Variants in CNTNAP2 observed in about 807,000 individuals in gnomAD.
CNTNAP2 encodes the protein contactin-associated protein-like 2.
In CNTNAP2, 98 loss-of-function variants were observed where a neutral mutation model predicts 155.2. That is an observed-to-expected ratio of 0.63 (90% CI 0.54 to 0.75). CNTNAP2 has a LOEUF of 0.75. Among genes scored for constraint, CNTNAP2 ranks in the 30% least tolerant of loss-of-function variants. CNTNAP2 has a pLI of 0.00. For synonymous variants in CNTNAP2, 651 were observed against 631.2 expected (o/e 1.03, Z -0.47); for missense variants, 1,727 against 1,688.1 (o/e 1.02, Z -0.40).
intron 1 of CNTNAP2, among the ~76,000 whole-genome samples, chr7:146,469,361 G>A (rs956265134): frequency 1.3e-5 from 2 of 150,858 alleles, no homozygotes; most frequent in Non-Finnish European, 2.9e-5. Flanking sequence ...AAGATACCCT[G>A]AGAAAATGTT....
intron 1 of CNTNAP2, among the ~76,000 whole-genome samples, chr7:146,197,094 A>G (rs1798788119): frequency 6.6e-6 from 1 of 152,168 alleles, no homozygotes; most frequent in Non-Finnish European, 1.5e-5. Context: ...AAGATCTGCA[A>G]TATTATACAG....
chr7:147,833,127 G>GTT (rs1056090232), intron 13 of CNTNAP2, among the ~76,000 whole-genome samples: 4,719 of 139,396 alleles, frequency 0.034, 124 homozygotes, highest in Non-Finnish European at 0.054. Context: ...TTTTTCTTAG[G>GTT]TTTTTTTTTT....
In CNTNAP2 at chr7:146,913,936, C is replaced by G. The variant is rs543085190; in HGVS notation, c.402+74032C>G. On this transcript the variant is annotated intron_variant, in intron 3 of 23. Coordinates refer to ENST00000361727, the MANE Select transcript of CNTNAP2 (RefSeq NM_014141.6). ...CCCTTTCCCCTGAGTCCCCAAAGTC[C>G]CTTGTAACATTCTTATGCCTTTGCA... 1.4e-4 allele frequency among the ~76,000 whole-genome samples: 21 copies of G among 152,020 alleles called. No homozygotes were observed. The East Asian group carries it at 4.1e-3, about 30-fold the overall frequency.
chr7:146,210,832 A>G (rs6464738), intron 1 of CNTNAP2, among the ~76,000 whole-genome samples: 48,307 of 150,298 alleles, frequency 0.32, 9,411 homozygotes, highest in African/African-American at 0.55. Context: ...AGACAAGACT[A>G]CTTCATTTTT....
chr7:147,364,461 G>A (rs1796193102), intron 9 of CNTNAP2, among the ~76,000 whole-genome samples: 2 of 152,156 alleles, frequency 1.3e-5, no homozygotes, highest in Admixed American at 6.5e-5. Flanking sequence ...GAAGAAACAT[G>A]CTGTCATCCA....
rs56994803 is a variant in CNTNAP2 at position 148,373,145 on chromosome 7, C to G, written c.3476-10504C>G. 2.8e-3 allele frequency among the ~76,000 whole-genome samples: 421 copies of G among 152,160 alleles called. 3 individuals carry two copies. The highest frequency in any genetic ancestry group is 0.01 in the Middle Eastern group (3 of 294). ...TGCCTGAGGCTGTTGTACAATTACC[C>G]TTTTTAAAAATAAAAAATAAAAAAA... is the stretch of plus-strand genomic sequence containing the variant. On this transcript the variant is annotated intron_variant, in intron 21 of 23. Coordinates refer to ENST00000361727, the MANE Select transcript of CNTNAP2 (RefSeq NM_014141.6).
At chr7:147,584,426 C>A (rs1448178045) in intron 12 of CNTNAP2, among the ~76,000 whole-genome samples, 1 of 152,104 alleles carries the variant, frequency 6.6e-6, no homozygotes, top group Non-Finnish European at 1.5e-5. Flanking sequence ...TGTAAAGGAT[C>A]ATTTTAGAAA....
At chr7:147,949,440 G>GTATGTATATATATATATA (rs1554453477) in intron 14 of CNTNAP2, among the ~76,000 whole-genome samples, 1 of 127,366 alleles carries the variant, frequency 7.9e-6, no homozygotes, top group Non-Finnish European at 1.7e-5. Context: ...TCAACTGTGT[G>GTATGTATATATATATATA]TATATATATA....
chr7:147,569,059 G>T lies in CNTNAP2; in HGVS notation c.1897+6802G>T, dbSNP rs549235234. Among the ~76,000 whole-genome samples, 5 of 152,198 alleles carry T rather than the reference G, an allele frequency of 3.3e-5. No individual in the cohort carries two copies. The South Asian group carries it at 8.3e-4, about 25-fold the overall frequency. ...TTGCATTCTTCCTAGCCCTGGTTTTGTAGTTTTATCAAAAAGCCATTAAGC... is the reference window on the plus strand; with the variant it reads ...TTGCATTCTTCCTAGCCCTGGTTTTTTAGTTTTATCAAAAAGCCATTAAGC... On this transcript the variant is annotated intron_variant, in intron 12 of 23. Transcript: ENST00000361727.
At chr7:147,620,367 A>C (rs912020785) in intron 12 of CNTNAP2, among the ~76,000 whole-genome samples, 12 of 152,184 alleles carry the variant, frequency 7.9e-5, no homozygotes, top group African/African-American at 2.9e-4. Flanking sequence ...AGTGAAACAG[A>C]GATATGTGAC....
chr7:148,071,940 G>T lies in CNTNAP2; in HGVS notation c.2384-46178G>T, dbSNP rs1004345696. ...CAAATAGCTATAAAAATTTCCAAGA[G>T]ACAGGACCACTGACCCTGCGCTTCG... On this transcript the variant is annotated intron_variant, in intron 15 of 23. Coordinates refer to ENST00000361727, the MANE Select transcript of CNTNAP2 (RefSeq NM_014141.6). Among the ~76,000 whole-genome samples, 7 of 152,266 alleles carry T rather than the reference G, an allele frequency of 4.6e-5. No individual in the cohort carries two copies. The East Asian group carries it at 1.2e-3, about 25-fold the overall frequency.
chr7:147,592,764 C>T (rs1450975545), intron 12 of CNTNAP2, among the ~76,000 whole-genome samples: 2 of 152,190 alleles, frequency 1.3e-5, no homozygotes, highest in African/African-American at 4.8e-5. Context: ...TTCTCTCCAA[C>T]CCACTGTGAA....
At chr7:147,629,173 G>A (rs10256668) in intron 12 of CNTNAP2, among the ~76,000 whole-genome samples, 13,642 of 151,894 alleles carry the variant, frequency 0.09, 1,688 homozygotes, top group African/African-American at 0.26. Context: ...AGGCTGAGGT[G>A]GGTGGATCAC....
At chr7:147,629,520 G>A (rs1221842473) in intron 12 of CNTNAP2, among the ~76,000 whole-genome samples, 3 of 151,494 alleles carry the variant, frequency 2.0e-5, no homozygotes, top group Non-Finnish European at 4.4e-5. Context: ...ACAACTGCAG[G>A]ATATACATTA....
intron 2 of CNTNAP2, among the ~76,000 whole-genome samples, chr7:146,799,467 C>A (rs1802835330): frequency 6.6e-6 from 1 of 152,168 alleles, no homozygotes; most frequent in African/African-American, 2.4e-5. Flanking sequence ...TTTTCATCTG[C>A]AGTTTCTTTA....
At chr7:148,373,756 C>A (rs1261374309) in intron 21 of CNTNAP2, among the ~76,000 whole-genome samples, 1 of 152,150 alleles carries the variant, frequency 6.6e-6, no homozygotes, top group African/African-American at 2.4e-5. Context: ...GAGGCTATTA[C>A]CCCAATCTGA....
chr7:146,650,184 C>A (rs141213277), intron 1 of CNTNAP2, among the ~76,000 whole-genome samples: 3,306 of 152,142 alleles, frequency 0.022, 82 homozygotes, highest in African/African-American at 0.059. Context: ...ACCCAGCAAT[C>A]CCATTACTGG....
rs553573622 is a variant in CNTNAP2 at position 146,391,246 on chromosome 7, T to A, written c.97+274273T>A. ...CCTGGGACGAAGTGGCTGAGAAGCA[T>A]GATCTGGGGTGAGTAACCAATAAAC... is the stretch of plus-strand genomic sequence containing the variant. On this transcript the variant is annotated intron_variant, in intron 1 of 23. Transcript: ENST00000361727. Among the ~76,000 whole-genome samples the A allele has an allele frequency of 7.2e-5, 11 of 151,754 alleles. No homozygotes were observed. The South Asian group carries it at 8.3e-4, about 12-fold the overall frequency.
rs752419100 is a variant in CNTNAP2, at chr7:148,172,413, A to G, written c.2945A>G (p.Glu982Gly). 2.4e-5 allele frequency: 38 copies of G among 1,614,076 alleles called. No individual in the cohort carries two copies. Among genetic ancestry groups the G allele is most frequent in the Non-Finnish European group, 3.1e-5 (37 of 1,180,048 alleles). ...TGTGAAAATGGAGGCAAATGCCTAG[A>G]GAGATACCACGGTTACTCCTGCGAT... ...TNCENGGKCL[E>G]RYHGYSCDCS... is the part of the protein sequence containing the mutation. Residue 982 changes from glutamate (E) to glycine (G), a missense_variant, in exon 18 of 24, where the codon GAG (glutamate) becomes GGG (glycine). Transcript: ENST00000361727.
Sources: allele counts gnomAD v4.1 joint callset (sites outside exome capture counted in the v4.1 genomes callset), GRCh38; gene constraint gnomAD v4.1.1; transcripts MANE v1.5; gene names NCBI Gene and HGNC (gene_info 2026-07-23, HGNC 2026-07-21).